Variants in SLC3A1 observed in about 807,000 individuals in gnomAD.
SLC3A1 encodes amino acid transporter heavy chain SLC3A1.
In SLC3A1, 78 loss-of-function variants were observed where a neutral mutation model predicts 60.3. The observed-to-expected ratio is 1.29, with a 90% CI of 1.08 to 1.56. The LOEUF (loss-of-function observed/expected upper bound fraction) is 1.56. SLC3A1 is among the 40% of genes most tolerant of loss of function. The pLI is 0.00. For synonymous variants in SLC3A1, 392 were observed against 307.9 expected, an observed-to-expected ratio of 1.27 and a Z score of -2.86; for missense variants, 1,172 against 858.9, an observed-to-expected ratio of 1.36 and a Z score of -4.56.
In SLC3A1 at chr2:44,320,410, T is replaced by C. The variant is rs934090455; in HGVS notation, c.1829T>C (p.Met610Thr). 1.2e-6 allele frequency: 2 copies of C among 1,614,092 alleles called. No individual in the cohort carries two copies. Among genetic ancestry groups the C allele is most frequent in the Non-Finnish European group, 1.7e-6 (2 of 1,179,924 alleles). Reference sequence around the variant, plus strand: ...TCAACACTGTTAAATCTACATAATATGATTTCGGGCCTTCCCGCTAAAATG... The same window carrying C: ...TCAACACTGTTAAATCTACATAATACGATTTCGGGCCTTCCCGCTAAAATG... ...GESTLLNLHNMISGLPAKMRI... is the reference protein window; with the variant it reads ...GESTLLNLHNTISGLPAKMRI... The change falls in exon 10 of 10, where the codon ATG (methionine) becomes ACG (threonine). Residue 610 changes from methionine to threonine, a missense_variant. By Grantham distance (81) the Met-to-Thr change is moderately conservative. Coordinates refer to ENST00000260649, the MANE Select transcript of SLC3A1 (RefSeq NM_000341.4).
chr2:44,287,512 C>T (rs1671645700), intron 4 of SLC3A1, among the ~76,000 whole-genome samples: 1 of 152,156 alleles, frequency 6.6e-6, no homozygotes. Context: ...AATGATGCAA[C>T]ATTTGAGACA....
intron 1 of SLC3A1, among the ~76,000 whole-genome samples, chr2:44,277,099 T>TCTCG (rs1430694445): frequency 7.2e-6 from 1 of 139,694 alleles, no homozygotes; most frequent in African/African-American, 2.7e-5. Context: ...TCATTCTCTC[T>TCTCG]CTTCTTTTTT....
chr2:44,303,430 T>A (rs1041445067), intron 6 of SLC3A1, among the ~76,000 whole-genome samples: 1 of 151,604 alleles, frequency 6.6e-6, no homozygotes, highest in East Asian at 2.0e-4. Context: ...GGTAGAGATG[T>A]TTCTCCACGT....
intron 7 of SLC3A1, among the ~76,000 whole-genome samples, chr2:44,310,262 T>C (rs868391227): frequency 2.0e-5 from 3 of 152,212 alleles, no homozygotes; most frequent in Admixed American, 6.5e-5. Flanking sequence ...TTCTCCGTTT[T>C]ACATTCCCAT....
chr2:44,277,482 G>C (rs1378194024), intron 1 of SLC3A1, among the ~76,000 whole-genome samples: 1 of 152,060 alleles, frequency 6.6e-6, no homozygotes, highest in African/African-American at 2.4e-5. Context: ...TCATGGTGCA[G>C]CTCAAACCCA....
intron 9 of SLC3A1, 23 bp downstream of exon 9, chr2:44,313,974 T>G (rs765108377): frequency 6.2e-7 from 1 of 1,613,938 alleles, no homozygotes; most frequent in African/African-American, 1.3e-5. Context: ...GAAAATTTTA[T>G]GTTGATTCTA....
chr2:44,321,646 T>A, downstream of SLC3A1: 1 of 1,514,284 alleles, frequency 6.6e-7, no homozygotes, highest in East Asian at 2.4e-5. Context: ...ACGTATCAAG[T>A]ACAAGAGAGA....
At chr2:44,309,408 G>A (rs879735251) in intron 7 of SLC3A1, among the ~76,000 whole-genome samples, 11 of 152,068 alleles carry the variant, frequency 7.2e-5, no homozygotes, top group Non-Finnish European at 1.3e-4. Context: ...TCCTTCTTAT[G>A]ACTGAATAAC....
rs763292534 is a variant in SLC3A1 at position 44,320,462 on chromosome 2, C to T, written c.1881C>T (p.Ala627=). 1.9e-5 allele frequency: 30 copies of T among 1,613,924 alleles called. No individual in the cohort carries two copies. The highest frequency in any genetic ancestry group is 4.5e-5 in the East Asian group (2 of 44,896). Residue 627 remains alanine (A), a synonymous_variant, in exon 10 of 10, where the codon GCC becomes GCT. Coordinates refer to ENST00000260649, the MANE Select transcript of SLC3A1 (RefSeq NM_000341.4). ...GAATAAGGTTAAGTACCAATTCTGC[C>T]GACAAAGGCAGTAAAGTTGATACAA... is the stretch of plus-strand genomic sequence containing the variant. The part of the protein sequence containing the change: ...KMRIRLSTNS[A]DKGSKVDTSG...
At chr2:44,311,921 G>C (rs1181858564) in intron 7 of SLC3A1, among the ~76,000 whole-genome samples, 1 of 152,108 alleles carries the variant, frequency 6.6e-6, no homozygotes, top group African/African-American at 2.4e-5. Context: ...ATATAGGTGT[G>C]AAAGTACTTT....
intron 7 of SLC3A1, among the ~76,000 whole-genome samples, chr2:44,306,483 G>A (rs756725577): frequency 1.1e-4 from 17 of 150,532 alleles, no homozygotes; most frequent in Admixed American, 1.3e-4. Flanking sequence ...TTTGTTAAAT[G>A]TAAGTATTAA....
intron 4 of SLC3A1, among the ~76,000 whole-genome samples, chr2:44,287,694 A>ATGTTCT (rs1005048435): frequency 1.3e-5 from 2 of 152,106 alleles, no homozygotes; most frequent in African/African-American, 4.8e-5. Context: ...CATATCAGCT[A>ATGTTCT]TGTTCTTGTT....
At position 44,301,015 on chromosome 2, in the gene SLC3A1, C is replaced by T; in HGVS notation, c.1024C>T (p.Gln342Ter). 1.9e-6 allele frequency: 3 copies of T among 1,614,124 alleles called. No individual in the cohort carries two copies. Among genetic ancestry groups the T allele is most frequent in the Non-Finnish European group, 2.5e-6 (3 of 1,180,032 alleles). ...CTGGTTTTCAAAGGACACGGTCACA[C>T]AATACTCGGAGCTGTACCATGACTT... The part of the protein sequence containing the change: ...NKTQIPDTVT[Q>*]YSELYHDFTT... The change falls in exon 6 of 10, where the codon CAA becomes TAA. Residue 342 changes from glutamine to a stop codon, truncating the protein, a stop_gained. Transcript: ENST00000260649. LOFTEE classifies it high-confidence loss of function.
At position 44,304,125 on chromosome 2, in the gene SLC3A1, C is replaced by T. The variant is rs371320502; in HGVS notation, c.1137-18C>T. On this transcript the variant is annotated intron_variant, in intron 6 of 9. Transcript: ENST00000260649. ...TCTGACAGGCCCCGATGACACTGAA[C>T]CTTGTCAACTCTTATAGGTTCATGG... 1.5e-5 allele frequency: 24 copies of T among 1,609,778 alleles called. No individual in the cohort carries two copies. Among genetic ancestry groups the T allele is most frequent in the Middle Eastern group, 1.6e-4 (1 of 6,074 alleles).
Position 44,310,157 on chromosome 2 carries a change from T to A in SLC3A1, c.1333-2429T>A, listed in dbSNP as rs536961340. 2.0e-3 allele frequency among the ~76,000 whole-genome samples: 298 copies of A among 152,202 alleles called. 1 individual carries two copies. The highest frequency in any genetic ancestry group is 6.7e-3 in the African/African-American group (279 of 41,524). ...GATCTTCCCACCTTGGCCCTTAAAG[T>A]GTTAGGATTACAGGTGTGAGCCACT... is the stretch of plus-strand genomic sequence containing the variant. On this transcript the variant is annotated intron_variant, in intron 7 of 9. Transcript: ENST00000260649.
At chr2:44,285,458 G>A in intron 3 of SLC3A1, 1 of 333,686 alleles carries the variant, frequency 3.0e-6, no homozygotes. Context: ...TCATACCATG[G>A]GGCCATAAAT....
intron 3 of SLC3A1, among the ~76,000 whole-genome samples, chr2:44,284,532 C>T (rs998145195): frequency 9.9e-5 from 15 of 152,028 alleles, no homozygotes; most frequent in African/African-American, 3.1e-4. Flanking sequence ...TCATTAATTC[C>T]TGATATTGCC....
chr2:44,311,044 C>G (rs1408247806), intron 7 of SLC3A1, among the ~76,000 whole-genome samples: 1 of 152,132 alleles, frequency 6.6e-6, no homozygotes, highest in Non-Finnish European at 1.5e-5. Context: ...ATCTTCCTGC[C>G]TTGGCATCCC....
At chr2:44,302,698 G>A (rs1236981687) in intron 6 of SLC3A1, among the ~76,000 whole-genome samples, 1 of 152,206 alleles carries the variant, frequency 6.6e-6, no homozygotes, top group Non-Finnish European at 1.5e-5. Context: ...CCAATAATAA[G>A]GCAAGATGTT....
Sources: allele counts gnomAD v4.1 joint callset (sites outside exome capture counted in the v4.1 genomes callset), GRCh38; gene constraint gnomAD v4.1.1; transcripts MANE v1.5; gene names NCBI Gene and HGNC (gene_info 2026-07-23, HGNC 2026-07-21).